SLC41A2: variants seen among roughly 807,000 people sequenced by gnomAD.
SLC41A2 encodes SLC41A1-like 1.
Under a neutral mutation model 58.3 loss-of-function variants are expected in SLC41A2, and 32 were observed. The observed-to-expected ratio is 0.55, with a 90% CI of 0.41 to 0.74. SLC41A2 has a LOEUF of 0.74. Ranked by LOEUF, SLC41A2 falls within the 30% of genes least tolerant of loss-of-function variation. SLC41A2 has a pLI of 0.00. For missense variants in SLC41A2, 514 were observed against 680.6 expected, an observed-to-expected ratio of 0.76 and a Z score of 2.72; for synonymous variants, 190 against 235.0, an observed-to-expected ratio of 0.81 and a Z score of 1.75.
At chr12:104,895,384 T>C in intron 3 of SLC41A2, 39 bp from the exon 4 acceptor site, 1 of 1,416,606 alleles carries the variant, frequency 7.1e-7, no homozygotes, top group South Asian at 1.2e-5. Context: ...CTGAAGAAAA[T>C]CTACATGTTC....
intron 8 of SLC41A2, among the ~76,000 whole-genome samples, chr12:104,847,092 A>G (rs1379423893): frequency 6.6e-6 from 1 of 152,180 alleles, no homozygotes; most frequent in Non-Finnish European, 1.5e-5. Flanking sequence ...AATTTAAAAT[A>G]ATTATAATTA....
At chr12:104,880,865 G>A (rs1343975689) in intron 6 of SLC41A2, among the ~76,000 whole-genome samples, 2 of 152,110 alleles carry the variant, frequency 1.3e-5, no homozygotes, top group African/African-American at 4.8e-5. Flanking sequence ...CTTTTCTATT[G>A]ATTGGAATAG....
intron 3 of SLC41A2, among the ~76,000 whole-genome samples, chr12:104,895,651 G>C (rs1044816600): frequency 6.6e-6 from 1 of 152,002 alleles, no homozygotes; most frequent in African/African-American, 2.4e-5. Context: ...TATTATCTTA[G>C]CATGCCAAAT....
chr12:104,823,771 C>A (rs116649413), intron 10 of SLC41A2, among the ~76,000 whole-genome samples: 3,424 of 152,120 alleles, frequency 0.023, 59 homozygotes, highest in African/African-American at 0.048. Flanking sequence ...GAACTTCATT[C>A]AAATTAGAAC....
chr12:104,892,140 A>C (rs1294683585), intron 4 of SLC41A2, among the ~76,000 whole-genome samples: 1 of 151,772 alleles, frequency 6.6e-6, no homozygotes, highest in Non-Finnish European at 1.5e-5. Flanking sequence ...TCTCTACTAA[A>C]AATGCAAAAA....
At chr12:104,955,781 A>C (rs2048144735) in intron 1 of SLC41A2, among the ~76,000 whole-genome samples, 1 of 150,990 alleles carries the variant, frequency 6.6e-6, no homozygotes, top group South Asian at 2.1e-4. Context: ...GCCATGAAAG[A>C]CCTGATGCTG....
At chr12:104,851,327 A>AAT (rs1373322957) in intron 8 of SLC41A2, among the ~76,000 whole-genome samples, 3 of 152,114 alleles carry the variant, frequency 2.0e-5, no homozygotes, top group African/African-American at 7.2e-5. Flanking sequence ...TTTGTTTTAA[A>AAT]ATATATATAT....
intron 5 of SLC41A2, among the ~76,000 whole-genome samples, chr12:104,888,717 G>A (rs922772878): frequency 1.4e-4 from 21 of 152,204 alleles, no homozygotes; most frequent in African/African-American, 5.1e-4. Context: ...CCTGCATGAT[G>A]TCCAGAAAGG....
chr12:104,815,934 G>T (rs1210357702), intron 10 of SLC41A2, among the ~76,000 whole-genome samples: 1 of 152,112 alleles, frequency 6.6e-6, no homozygotes, highest in Non-Finnish European at 1.5e-5. Context: ...GGAAATAAAT[G>T]GTGTCGCTGA....
chr12:104,932,624 C>CAAAAAAAA (rs544329617), intron 1 of SLC41A2, among the ~76,000 whole-genome samples: 496 of 46,028 alleles, frequency 0.011, 12 homozygotes, highest in African/African-American at 0.019. Flanking sequence ...GACTTTGTCT[C>CAAAAAAAA]AAAAAAAAAA....
intron 10 of SLC41A2, among the ~76,000 whole-genome samples, chr12:104,823,350 G>A (rs1227218606): frequency 2.0e-5 from 3 of 152,046 alleles, no homozygotes; most frequent in Non-Finnish European, 4.4e-5. Context: ...TTAAAAAAAG[G>A]TAAATGATTT....
At chr12:104,879,083 T>G (rs1309329436) in intron 6 of SLC41A2, among the ~76,000 whole-genome samples, 1 of 152,258 alleles carries the variant, frequency 6.6e-6, no homozygotes, top group South Asian at 2.1e-4. Context: ...GCATTTTTCA[T>G]GTGTCTGTTG....
intron 10 of SLC41A2, among the ~76,000 whole-genome samples, chr12:104,829,592 G>A (rs1359970764): frequency 1.3e-5 from 2 of 151,812 alleles, no homozygotes; most frequent in Non-Finnish European, 2.9e-5. Context: ...GTACACATAT[G>A]TCAACATGGG....
chr12:104,892,035 C>T (rs929919991), intron 4 of SLC41A2, among the ~76,000 whole-genome samples: 2 of 152,138 alleles, frequency 1.3e-5, no homozygotes, highest in Non-Finnish European at 2.9e-5. Flanking sequence ...AGCAGTGGCT[C>T]ACACCTGTAA....
At chr12:104,894,661 C>T (rs1036508243) in intron 4 of SLC41A2, among the ~76,000 whole-genome samples, 1 of 152,160 alleles carries the variant, frequency 6.6e-6, no homozygotes, top group Non-Finnish European at 1.5e-5. Flanking sequence ...ATTCCCTAAG[C>T]TCACACTAGC....
intron 1 of SLC41A2, among the ~76,000 whole-genome samples, chr12:104,937,228 G>A (rs1457747497): frequency 6.6e-6 from 1 of 152,188 alleles, no homozygotes; most frequent in Non-Finnish European, 1.5e-5. Context: ...TATAAAGTCT[G>A]CAGTAGTGCA....
At chr12:104,855,015 C>T (rs1012040460) in intron 8 of SLC41A2, among the ~76,000 whole-genome samples, 1 of 152,222 alleles carries the variant, frequency 6.6e-6, no homozygotes, top group East Asian at 1.9e-4. Flanking sequence ...TTCACCATCT[C>T]TCATGCATCC....
intron 5 of SLC41A2, 23 bp from the exon 6 acceptor site, chr12:104,886,462 C>G (rs756307725): frequency 6.2e-7 from 1 of 1,606,518 alleles, no homozygotes; most frequent in South Asian, 1.1e-5. Flanking sequence ...ATGTTCATTA[C>G]TTTTTAGGCT....
At chr12:104,883,830 C>T (rs762760709) in intron 6 of SLC41A2, among the ~76,000 whole-genome samples, 5 of 152,238 alleles carry the variant, frequency 3.3e-5, no homozygotes, top group Non-Finnish European at 7.3e-5. Context: ...TGTCCGTTCT[C>T]AGATCTCAAA....
Sources: gnomAD v4.1 joint callset for allele counts (sites outside exome capture counted in the v4.1 genomes callset) on GRCh38, gnomAD v4.1.1 for gene constraint, MANE v1.5 for transcripts, NCBI Gene and HGNC (gene_info 2026-07-23, HGNC 2026-07-21) for gene names.